The following EHBP1 variants were observed in gnomAD, a reference collection of about 807,000 sequenced individuals.
EHBP1 encodes EH domain-binding protein 1.
EHBP1 carries 55 observed loss-of-function variants against 144.0 expected under a neutral mutation model. The ratio of observed to expected loss-of-function variants is 0.38; its 90% CI spans 0.31 to 0.48. The LOEUF is 0.48. Ranked by LOEUF, EHBP1 falls within the 20% of genes least tolerant of loss-of-function variation. The probability of loss-of-function intolerance (pLI) is 0.98; values close to 1 mark genes in which losing one functional copy is unlikely to be tolerated. For synonymous variants in EHBP1, 469 were observed against 472.7 expected (o/e 0.99, Z 0.10); for missense variants, 1,200 against 1,364.2 (o/e 0.88, Z 1.90).
intron 10 of EHBP1, among the ~76,000 whole-genome samples, chr2:62,919,991 C>T (rs1212522333): frequency 2.0e-5 from 3 of 152,050 alleles, no homozygotes; most frequent in Non-Finnish European, 2.9e-5. Context: ...ACCTGTGAGA[C>T]ACCATCAACT....
chr2:62,773,145 T>C (rs1231808503), intron 5 of EHBP1, among the ~76,000 whole-genome samples: 1 of 152,202 alleles, frequency 6.6e-6, no homozygotes, highest in Non-Finnish European at 1.5e-5. Context: ...TTTATGTAAT[T>C]AAACCGAAAC....
Position 63,027,654 on chromosome 2 carries a change from A to G in EHBP1, c.3104-9881A>G, listed in dbSNP as rs116083743. ...GCATAATTCCCATCAGCTCTCCCCT[A>G]TAGATATTTAGGAAGGTGCATATGA... On this transcript the variant is annotated intron_variant, in intron 19 of 22. Coordinates refer to ENST00000431489, the MANE Select transcript of EHBP1 (RefSeq NM_001142616.3). 5.3e-3 allele frequency among the ~76,000 whole-genome samples: 805 copies of G among 152,308 alleles called. 5 individuals are homozygous for G. The highest frequency in any genetic ancestry group is 0.019 in the African/African-American group (770 of 41,560).
chr2:62,809,195 G>A (rs1156584866), intron 5 of EHBP1, among the ~76,000 whole-genome samples: 1 of 151,282 alleles, frequency 6.6e-6, no homozygotes, highest in Non-Finnish European at 1.5e-5. Flanking sequence ...GGAGGCTGAG[G>A]CAGGAGAATC....
intron 19 of EHBP1, among the ~76,000 whole-genome samples, chr2:63,030,331 C>G (rs747486823): frequency 2.6e-5 from 4 of 151,854 alleles, no homozygotes; most frequent in Non-Finnish European, 5.9e-5. Flanking sequence ...ATGACAATAT[C>G]CCCCCTGAAA....
intron 5 of EHBP1, among the ~76,000 whole-genome samples, chr2:62,807,510 T>A (rs577816508): frequency 2.0e-4 from 31 of 152,134 alleles, no homozygotes; most frequent in Non-Finnish European, 4.0e-4. Flanking sequence ...CTGGCACCAT[T>A]GCACTCCAGC....
Position 62,955,660 on chromosome 2 carries a change from T to C in EHBP1, c.2460T>C (p.Asp820=), listed in dbSNP as rs780656746. Residue 820 remains aspartate, a splice_region_variant and synonymous_variant, in exon 14 of 23, where the codon GAT becomes GAC. Transcript: ENST00000431489. The part of the protein sequence containing the change: ...ATPFCNRQLS[D]QQDEERRRQL... ...CATTCTGCAACAGGCAGCTAAGTGA[T>C]GTGAGGAGCATTGGTTAAAAAAGAC... 4.4e-6 allele frequency: 7 copies of C among 1,607,048 alleles called. No homozygotes were observed. In the South Asian group the frequency reaches 7.8e-5, roughly 18 times the overall value.
At chr2:62,851,610 A>T (rs1366683313) in intron 7 of EHBP1, among the ~76,000 whole-genome samples, 1 of 152,214 alleles carries the variant, frequency 6.6e-6, no homozygotes, top group Non-Finnish European at 1.5e-5. Flanking sequence ...AGCAGGTACT[A>T]GCACAGGCAT....
At chr2:62,822,802 A>G (rs1005973548) in intron 5 of EHBP1, among the ~76,000 whole-genome samples, 5 of 152,158 alleles carry the variant, frequency 3.3e-5, no homozygotes, top group African/African-American at 9.6e-5. Context: ...TCTGCCAAAG[A>G]TTAACCAATG....
chr2:63,005,740 T>A (rs1215551106), intron 19 of EHBP1, among the ~76,000 whole-genome samples: 1 of 152,056 alleles, frequency 6.6e-6, no homozygotes, highest in Non-Finnish European at 1.5e-5. Flanking sequence ...ATAATTGGTA[T>A]TAATAATAAG....
chr2:62,829,259 A>G (rs1277701303), intron 6 of EHBP1, among the ~76,000 whole-genome samples: 1 of 152,136 alleles, frequency 6.6e-6, no homozygotes, highest in Non-Finnish European at 1.5e-5. Context: ...GTTTGGTTGC[A>G]TAGGAAAGTT....
intron 19 of EHBP1, among the ~76,000 whole-genome samples, chr2:63,014,695 C>A (rs1443699588): frequency 4.6e-5 from 7 of 152,186 alleles, no homozygotes; most frequent in Non-Finnish European, 7.4e-5. Context: ...GATATTTGAA[C>A]ACGGCTGGGC....
chr2:62,968,978 TAACAC>T (rs2058370190), intron 14 of EHBP1, among the ~76,000 whole-genome samples: 1 of 152,246 alleles, frequency 6.6e-6, no homozygotes, highest in Non-Finnish European at 1.5e-5. Flanking sequence ...GCCTTGGATG[TAACAC>T]AAGGTGATAC....
Position 62,949,103 on chromosome 2 carries a change from G to A in EHBP1, c.2257G>A (p.Asp753Asn). 5 of 1,592,510 alleles carry A rather than the reference G, an allele frequency of 3.1e-6. No homozygotes were observed. Among genetic ancestry groups the A allele is most frequent in the Non-Finnish European group, 3.4e-6 (4 of 1,174,430 alleles). The change falls in exon 13 of 23, where the codon GAT becomes AAT. Residue 753 changes from aspartate (D) to asparagine (N), a missense_variant. By Grantham distance (23) the Asp-to-Asn change is conservative. Transcript: ENST00000431489. ...KHASLRQTES[D>N]PDADRTTLNH... The stretch of plus-strand genomic sequence containing the variant: ...TGCTTCCCTGAGGCAGACGGAGTCT[G>A]ATCCAGATGCTGATAGAACCACTTT...
intron 10 of EHBP1, among the ~76,000 whole-genome samples, chr2:62,885,487 T>A (rs2051848806): frequency 1.3e-5 from 2 of 152,198 alleles, no homozygotes; most frequent in Admixed American, 1.3e-4. Flanking sequence ...TTAGTTCCAA[T>A]GATGGCTGAC....
chr2:62,806,345 A>G (rs1484411127), intron 5 of EHBP1, among the ~76,000 whole-genome samples: 3 of 150,518 alleles, frequency 2.0e-5, no homozygotes, highest in African/African-American at 4.9e-5. Flanking sequence ...CCACTCTTCT[A>G]CTTTTTGTGG....
intron 5 of EHBP1, among the ~76,000 whole-genome samples, chr2:62,815,151 T>C (rs2045344306): frequency 6.6e-6 from 1 of 152,190 alleles, no homozygotes; most frequent in Admixed American, 6.5e-5. Flanking sequence ...CATGGAGATG[T>C]AGAAAAAGTC....
intron 5 of EHBP1, among the ~76,000 whole-genome samples, chr2:62,791,043 T>C (rs2043136647): frequency 6.6e-6 from 1 of 152,052 alleles, no homozygotes; most frequent in Non-Finnish European, 1.5e-5. Context: ...AACTTAGAAA[T>C]CATAAAATTC....
At chr2:62,790,463 T>C (rs375282144) in intron 5 of EHBP1, among the ~76,000 whole-genome samples, 1 of 152,156 alleles carries the variant, frequency 6.6e-6, no homozygotes, top group East Asian at 1.9e-4. Context: ...AGATGCTTGT[T>C]GGTGGCATGT....
chr2:62,729,619 TA>T (rs2037306514), intron 2 of EHBP1, among the ~76,000 whole-genome samples: 1 of 127,618 alleles, frequency 7.8e-6, no homozygotes, highest in Non-Finnish European at 1.6e-5. Flanking sequence ...TAATAATAAA[TA>T]AAATAAAATA....
Sources: gnomAD v4.1 joint callset for allele counts (sites outside exome capture counted in the v4.1 genomes callset) on GRCh38, gnomAD v4.1.1 for gene constraint, MANE v1.5 for transcripts, NCBI Gene and HGNC (gene_info 2026-07-23, HGNC 2026-07-21) for gene names.